RNF220: variants seen among roughly 807,000 people sequenced by gnomAD.
The protein encoded by RNF220 is ring finger protein 220, also known as E3 ubiquitin-protein ligase RNF220.
Under a neutral mutation model 67.1 loss-of-function variants are expected in RNF220, and 7 were observed. The ratio of observed to expected loss-of-function variants is 0.10; its 90% confidence interval spans 0.06 to 0.20. The LOEUF is 0.20. Among genes scored for constraint, RNF220 ranks in the 10% least tolerant of loss-of-function variants. The pLI is 1.00. For synonymous variants in RNF220, 270 were observed against 283.2 expected, an observed-to-expected ratio of 0.95 and a Z score of 0.47; for missense variants, 565 against 740.3, an observed-to-expected ratio of 0.76 and a Z score of 2.75.
Position 44,631,041 on chromosome 1 carries a change from A to G in RNF220, c.907-1302A>G, listed in dbSNP as rs75153153. On this transcript the variant is annotated intron_variant, in intron 5 of 14. Transcript: ENST00000361799. ...ATTTCGAGAGCTCGTAAGATTATGT[A>G]TGACTGGAGCACAACGACAACCAAG... is the stretch of plus-strand genomic sequence containing the variant. Among the ~76,000 whole-genome samples, 16 of 152,356 alleles carry G rather than the reference A, an allele frequency of 1.1e-4. No individual in the cohort carries two copies. In the East Asian group the frequency reaches 3.1e-3, roughly 29 times the overall value.
intron 2 of RNF220, among the ~76,000 whole-genome samples, chr1:44,413,362 CT>C (rs2147809120): frequency 6.6e-6 from 1 of 152,320 alleles, no homozygotes; most frequent in East Asian, 1.9e-4. Flanking sequence ...CTGGGGCTCA[CT>C]TTTAGGACTA....
intron 2 of RNF220, among the ~76,000 whole-genome samples, chr1:44,589,613 CAAAAAA>C (rs11437946): frequency 9.1e-6 from 1 of 109,422 alleles, no homozygotes; most frequent in Non-Finnish European, 1.8e-5. Flanking sequence ...GACTGCATCT[CAAAAAA>C]AAAAAAAAAA....
At chr1:44,450,245 C>CT (rs948086131) in intron 2 of RNF220, among the ~76,000 whole-genome samples, 23 of 152,176 alleles carry the variant, frequency 1.5e-4, no homozygotes, top group African/African-American at 5.5e-4. Flanking sequence ...TTCCCGTCCT[C>CT]TTTTCAAAAC....
chr1:44,445,897 C>T (rs961282366), intron 2 of RNF220, among the ~76,000 whole-genome samples: 15 of 152,198 alleles, frequency 9.9e-5, no homozygotes, highest in South Asian at 4.1e-4. Context: ...TTTGTTCTTG[C>T]GCCTAGCACA....
intron 2 of RNF220, among the ~76,000 whole-genome samples, chr1:44,559,066 C>T (rs1030805472): frequency 4.6e-5 from 7 of 152,232 alleles, no homozygotes; most frequent in Non-Finnish European, 1.0e-4. Context: ...TTGTCCCTAG[C>T]GCCTAGCCCA....
intron 3 of RNF220, among the ~76,000 whole-genome samples, chr1:44,618,712 G>A (rs956311851): frequency 6.6e-6 from 1 of 152,152 alleles, no homozygotes; most frequent in Admixed American, 6.5e-5. Flanking sequence ...GAGGGGCATG[G>A]TTGCAAGGCC....
At chr1:44,558,403 CT>C (rs34699076) in intron 2 of RNF220, among the ~76,000 whole-genome samples, 48,058 of 152,044 alleles carry the variant, frequency 0.32, 7,871 homozygotes, top group Middle Eastern at 0.43. Context: ...TGCTCCCTGT[CT>C]AATTCAATCA....
intron 2 of RNF220, among the ~76,000 whole-genome samples, chr1:44,495,121 G>A (rs1169225693): frequency 6.6e-6 from 1 of 152,142 alleles, no homozygotes; most frequent in East Asian, 1.9e-4. Flanking sequence ...GCTGAGGTGG[G>A]AGGATCACTT....
At chr1:44,598,402 C>T (rs991779107) in intron 2 of RNF220, among the ~76,000 whole-genome samples, 3 of 152,172 alleles carry the variant, frequency 2.0e-5, no homozygotes, top group African/African-American at 7.2e-5. Flanking sequence ...AAGCTGGGCT[C>T]CTGGGAGTGA....
Position 44,510,750 on chromosome 1 carries a change from G to A in RNF220, c.625+98028G>A, listed in dbSNP as rs559315690. Among the ~76,000 whole-genome samples, 6 of 152,322 alleles carry A rather than the reference G, an allele frequency of 3.9e-5. No individual in the cohort carries two copies. The South Asian group carries it at 1.2e-3, about 32-fold the overall frequency. Reference sequence around the variant, plus strand: ...TCTCCCCTACCAGTCGTTACGCACTGTGAGCACAGGTGTCCTGCTATTTTG... The same window carrying A: ...TCTCCCCTACCAGTCGTTACGCACTATGAGCACAGGTGTCCTGCTATTTTG... On this transcript the variant is annotated intron_variant, in intron 2 of 14. Coordinates refer to ENST00000361799, the MANE Select transcript of RNF220 (RefSeq NM_018150.4).
intron 2 of RNF220, among the ~76,000 whole-genome samples, chr1:44,471,775 G>A (rs1654831764): frequency 6.6e-6 from 1 of 151,986 alleles, no homozygotes; most frequent in East Asian, 1.9e-4. Context: ...GGTGAGCCGA[G>A]ATCGCACCAT....
rs527902961 is a variant in RNF220 at position 44,641,123 on chromosome 1, C to T, written c.1127-3575C>T. 2.6e-5 allele frequency among the ~76,000 whole-genome samples: 4 copies of T among 152,142 alleles called. No homozygotes were observed. The East Asian group carries it at 7.7e-4, about 29-fold the overall frequency. On this transcript the variant is annotated intron_variant, in intron 8 of 14. Coordinates refer to ENST00000361799, the MANE Select transcript of RNF220 (RefSeq NM_018150.4). ...AGGGTCGTTTTTATAAAACGTAGAC[C>T]TGTGTTTCATTTCTGCACTTAACTC...
chr1:44,547,466 T>G (rs1233645842), intron 2 of RNF220, among the ~76,000 whole-genome samples: 1 of 152,116 alleles, frequency 6.6e-6, no homozygotes, highest in African/African-American at 2.4e-5. Flanking sequence ...TGAAACACTT[T>G]TCTCTCTCGG....
chr1:44,485,564 A>G (rs1656214016), intron 2 of RNF220, among the ~76,000 whole-genome samples: 1 of 152,226 alleles, frequency 6.6e-6, no homozygotes, highest in Non-Finnish European at 1.5e-5. Context: ...GTTTTTCCCC[A>G]GGAAAGGCAT....
chr1:44,577,597 T>A (rs1664903068), intron 2 of RNF220, among the ~76,000 whole-genome samples: 2 of 152,216 alleles, frequency 1.3e-5, no homozygotes, highest in Non-Finnish European at 2.9e-5. Flanking sequence ...GAGCTTTTGC[T>A]TTAGAAGTGG....
At chr1:44,501,173 G>A (rs1484026118) in intron 2 of RNF220, among the ~76,000 whole-genome samples, 10 of 150,800 alleles carry the variant, frequency 6.6e-5, no homozygotes, top group Admixed American at 1.3e-4. Flanking sequence ...GGAGGGGGTG[G>A]GGAGAGCCCT....
intron 2 of RNF220, among the ~76,000 whole-genome samples, chr1:44,459,167 A>C (rs1185335223): frequency 6.6e-6 from 1 of 151,072 alleles, no homozygotes; most frequent in South Asian, 2.1e-4. Flanking sequence ...GACTTTTACC[A>C]TGGTGATTCT....
rs746805462 is a variant in RNF220, at chr1:44,648,347, C to T, written c.1446-1314C>T. The T allele has an allele frequency of 5.1e-4, 78 of 152,374 alleles. 1 individual carries two copies. The highest frequency in any genetic ancestry group is 3.6e-3 in the Admixed American group (55 of 15,310). The allele number at this position is 152,374 out of a possible 1,614,324, so 9.4% of individuals were successfully genotyped here. A position where few individuals can be genotyped will look rare whatever the true frequency, so the allele number is the denominator to read the frequency against. On this transcript the variant is annotated intron_variant, in intron 12 of 14. Coordinates refer to ENST00000361799, the MANE Select transcript of RNF220 (RefSeq NM_018150.4). ...TAAGATAATTATCAATCCCTCAGTA[C>T]AATCTCTGGCATTTAGTAAGTGCTT...
At chr1:44,518,892 A>C (rs532951426) in intron 2 of RNF220, among the ~76,000 whole-genome samples, 74 of 151,920 alleles carry the variant, frequency 4.9e-4, no homozygotes, top group African/African-American at 1.2e-3. Flanking sequence ...AAAAAAACAA[A>C]AAAAAAAAAA....
Sources: allele counts gnomAD v4.1 joint callset (sites outside exome capture counted in the v4.1 genomes callset), GRCh38; gene constraint gnomAD v4.1.1; transcripts MANE v1.5; gene names NCBI Gene and HGNC (gene_info 2026-07-23, HGNC 2026-07-21).